MEF2A: variants seen among roughly 807,000 people sequenced by gnomAD.
MEF2A encodes myocyte enhancer factor 2A.
Under a neutral mutation model 55.8 loss-of-function variants are expected in MEF2A, and 28 were observed. The ratio of observed to expected loss-of-function variants is 0.50; its 90% confidence interval spans 0.37 to 0.69. The LOEUF is 0.69. MEF2A is among the 30% of genes least tolerant of loss of function. The pLI, the probability that MEF2A is intolerant of heterozygous loss-of-function variation, is 0.00. For missense variants in MEF2A, 528 were observed against 626.2 expected (o/e 0.84, Z 1.67); for synonymous variants, 239 against 227.1 (o/e 1.05, Z -0.47).
At chr15:99,626,878 G>T (rs1230611411) in intron 2 of MEF2A, among the ~76,000 whole-genome samples, 8 of 152,148 alleles carry the variant, frequency 5.3e-5, no homozygotes, top group African/African-American at 1.9e-4. Flanking sequence ...GCATGTTGGA[G>T]ATGTAAGCAG....
At chr15:99,671,247 T>G in intron 4 of MEF2A, 76 bp from the exon 5 acceptor site, 2 of 1,513,346 alleles carry the variant, frequency 1.3e-6, no homozygotes, top group Non-Finnish European at 1.8e-6. Context: ...CCGTCTGTGC[T>G]CTCTTAATAA....
chr15:99,616,780 T>C (rs982568751), intron 2 of MEF2A, among the ~76,000 whole-genome samples: 1 of 152,252 alleles, frequency 6.6e-6, no homozygotes, highest in East Asian at 1.9e-4. Context: ...AGTAATGTTA[T>C]ATTTGGTTTT....
At chr15:99,697,742 G>A (rs2056717715) in intron 8 of MEF2A, among the ~76,000 whole-genome samples, 1 of 151,922 alleles carries the variant, frequency 6.6e-6, no homozygotes, top group Non-Finnish European at 1.5e-5. Context: ...AAAATATATA[G>A]GTAAAGACGA....
At chr15:99,568,974 G>A (rs1055201566) in intron 1 of MEF2A, among the ~76,000 whole-genome samples, 3 of 152,108 alleles carry the variant, frequency 2.0e-5, no homozygotes, top group African/African-American at 4.8e-5. Flanking sequence ...CTTAGTAAAT[G>A]GAGAAGTGAG....
intron 1 of MEF2A, among the ~76,000 whole-genome samples, chr15:99,594,448 G>GTCC (rs1177957315): frequency 2.2e-4 from 27 of 123,972 alleles, no homozygotes; most frequent in African/African-American, 6.7e-4. Flanking sequence ...TCCAAACCCT[G>GTCC]TCCTTTCTTT....
intron 8 of MEF2A, among the ~76,000 whole-genome samples, chr15:99,697,658 C>T (rs1439728566): frequency 2.0e-5 from 3 of 152,152 alleles, no homozygotes; most frequent in Non-Finnish European, 2.9e-5. Context: ...CATTTCTTCC[C>T]AGATTGATCT....
At chr15:99,703,427 A>G (rs2057660499) in intron 9 of MEF2A, 42 bp downstream of exon 9, 1 of 1,578,200 alleles carries the variant, frequency 6.3e-7, no homozygotes, top group Non-Finnish European at 8.6e-7. Context: ...AAAAAGATGT[A>G]GAAAGTACTA....
intron 8 of MEF2A, among the ~76,000 whole-genome samples, chr15:99,691,386 A>G (rs929917467): frequency 5.9e-5 from 9 of 152,114 alleles, no homozygotes; most frequent in African/African-American, 2.2e-4. Context: ...GAGAAGCACT[A>G]AACTATTTGT....
At chr15:99,659,720 A>G (rs2153562884) in intron 4 of MEF2A, among the ~76,000 whole-genome samples, 1 of 152,294 alleles carries the variant, frequency 6.6e-6, no homozygotes, top group South Asian at 2.1e-4. Context: ...ATTCTCCTCT[A>G]TAAGGGTAGA....
At chr15:99,656,175 TGAAG>T (rs941488633) in intron 4 of MEF2A, among the ~76,000 whole-genome samples, 13 of 152,210 alleles carry the variant, frequency 8.5e-5, no homozygotes, top group Middle Eastern at 6.8e-3. Context: ...ATGTTTAAGT[TGAAG>T]GAACACTCAG....
chr15:99,666,297 G>T (rs1306216183), intron 4 of MEF2A, among the ~76,000 whole-genome samples: 1 of 152,074 alleles, frequency 6.6e-6, no homozygotes, highest in African/African-American at 2.4e-5. Flanking sequence ...CAAGGACATG[G>T]TTGACACTGG....
rs553610037 is a variant in MEF2A, at chr15:99,689,557, G to A, written c.671-684G>A. On this transcript the variant is annotated intron_variant, in intron 7 of 11. Coordinates refer to ENST00000557942, the MANE Select transcript of MEF2A (RefSeq NM_001319206.4). ...GTGCAGGGGCATGATCTCAGCTCAC[G>A]GCAACCTCCGTCTCCCGGGTTCAAG... Among the ~76,000 whole-genome samples the A allele has an allele frequency of 3.9e-5, 6 of 152,194 alleles. No homozygotes were observed. The East Asian group carries it at 5.8e-4, about 15-fold the overall frequency.
chr15:99,618,969 G>T (rs747106303), intron 2 of MEF2A, among the ~76,000 whole-genome samples: 4 of 152,178 alleles, frequency 2.6e-5, no homozygotes, highest in Non-Finnish European at 4.4e-5. Flanking sequence ...AGGTATACTG[G>T]ATCTAGGAAG....
intron 1 of MEF2A, among the ~76,000 whole-genome samples, chr15:99,575,330 G>GA (rs1259657308): frequency 6.6e-6 from 1 of 151,918 alleles, no homozygotes; most frequent in East Asian, 1.9e-4. Flanking sequence ...TGTTTAATCT[G>GA]AAACAGTTCT....
intron 2 of MEF2A, among the ~76,000 whole-genome samples, chr15:99,599,218 AAAG>A (rs1258660182): frequency 6.6e-6 from 1 of 152,140 alleles, no homozygotes; most frequent in Non-Finnish European, 1.5e-5. Context: ...TTAAAATGGA[AAAG>A]AAGTGAATTA....
In MEF2A at chr15:99,685,986, G is replaced by A. The variant is rs547669285; in HGVS notation, c.671-4255G>A. 4.6e-4 allele frequency among the ~76,000 whole-genome samples: 70 copies of A among 151,996 alleles called. 2 individuals carry two copies. Among genetic ancestry groups the A allele is most frequent in the Middle Eastern group, 3.4e-3 (1 of 294 alleles). ...TTTTTAAAATTACTGTTTCAGTCTC[G>A]CTGCTTGTTATTGGTCCATGCAGAG... On this transcript the variant is annotated intron_variant, in intron 7 of 11. Transcript: ENST00000557942.
chr15:99,621,361 A>G (rs975852782), intron 2 of MEF2A, among the ~76,000 whole-genome samples: 1 of 151,976 alleles, frequency 6.6e-6, no homozygotes, highest in East Asian at 1.9e-4. Context: ...CCTTATTTGT[A>G]TATTTTTCTC....
intron 2 of MEF2A, among the ~76,000 whole-genome samples, chr15:99,626,645 G>T (rs2042097287): frequency 6.6e-6 from 1 of 152,076 alleles, no homozygotes; most frequent in South Asian, 2.1e-4. Flanking sequence ...ATGAATTTTA[G>T]AATCAGCTTA....
intron 1 of MEF2A, among the ~76,000 whole-genome samples, chr15:99,588,546 T>C (rs962438846): frequency 6.6e-6 from 1 of 152,104 alleles, no homozygotes; most frequent in African/African-American, 2.4e-5. Context: ...GCTCAGGCAA[T>C]CTGGCCATCT....
Sources: allele counts gnomAD v4.1 joint callset (sites outside exome capture counted in the v4.1 genomes callset), GRCh38; gene constraint gnomAD v4.1.1; transcripts MANE v1.5; gene names NCBI Gene and HGNC (gene_info 2026-07-23, HGNC 2026-07-21).